The following HDGFL3 variants were observed in gnomAD, a reference collection of about 807,000 sequenced individuals.
HDGFL3 encodes the protein hepatoma-derived growth factor-related protein 3.
HDGFL3 carries 6 observed loss-of-function variants against 27.6 expected under a neutral mutation model. That is an observed-to-expected ratio of 0.22 (90% CI 0.12 to 0.43). The LOEUF (loss-of-function observed/expected upper bound fraction) is 0.43, where lower values mean the gene tolerates loss of function less well. HDGFL3 is among the 20% of genes least tolerant of loss of function. The probability of loss-of-function intolerance (pLI) is 1.00; values close to 1 mark genes in which losing one functional copy is unlikely to be tolerated. For missense variants in HDGFL3, 207 were observed against 250.1 expected (o/e 0.83, Z 1.16); for synonymous variants, 88 against 88.9 (o/e 0.99, Z 0.05).
downstream of HDGFL3, among the ~76,000 whole-genome samples, chr15:83,123,855 C>A (rs958329812): frequency 6.6e-6 from 1 of 152,340 alleles, no homozygotes; most frequent in African/African-American, 2.4e-5. Flanking sequence ...TGTGAAAACA[C>A]AGTGACAGCC....
intron 1 of HDGFL3, among the ~76,000 whole-genome samples, chr15:83,194,985 T>C (rs2151421189): frequency 6.6e-6 from 1 of 152,328 alleles, no homozygotes; most frequent in Non-Finnish European, 1.5e-5. Context: ...TCACTCAGGA[T>C]GCAGTGTTAT....
rs1267088572 is a variant in HDGFL3 at position 83,157,938 on chromosome 15, C to G, written c.265G>C (p.Glu89Gln). ...KGFNEGLWEI[E>Q]NNPGVKFTGY... ...GTAAACTTTACTCCTGGGTTATTTT[C>G]TATTTCCCACAATCCTTCGTTAAAT... Residue 89 changes from glutamate (E) to glutamine (Q), a missense_variant, in exon 3 of 6, where the codon GAA becomes CAA. Glu to Gln is a conservative substitution (Grantham distance 29). Coordinates refer to ENST00000299633, the MANE Select transcript of HDGFL3 (RefSeq NM_016073.4). 6.2e-7 allele frequency: 1 copy of G among 1,612,618 alleles called. No homozygotes were observed. Among genetic ancestry groups the G allele is most frequent in the Non-Finnish European group, 8.5e-7 (1 of 1,179,360 alleles).
At chr15:83,199,390 A>G (rs2037611210) in intron 1 of HDGFL3, among the ~76,000 whole-genome samples, 1 of 152,202 alleles carries the variant, frequency 6.6e-6, no homozygotes, top group Admixed American at 6.5e-5. Context: ...TACATCATAA[A>G]AAATCCTTAA....
At chr15:83,168,159 G>A (rs2037196493) in intron 1 of HDGFL3, among the ~76,000 whole-genome samples, 1 of 152,212 alleles carries the variant, frequency 6.6e-6, no homozygotes, top group Non-Finnish European at 1.5e-5. Context: ...AGCAAAAGCA[G>A]TGTTAAGAGG....
intron 5 of HDGFL3, among the ~76,000 whole-genome samples, chr15:83,145,902 T>C (rs1341433693): frequency 1.1e-4 from 2 of 17,858 alleles, no homozygotes; most frequent in Admixed American, 6.5e-4. Flanking sequence ...TCTTCCTTTT[T>C]TTTTTTTTTT....
intron 1 of HDGFL3, among the ~76,000 whole-genome samples, chr15:83,202,280 C>G (rs2098085200): frequency 6.6e-6 from 1 of 152,112 alleles, no homozygotes; most frequent in Non-Finnish European, 1.5e-5. Context: ...AGTAAGAGCT[C>G]AGCTCTTGAA....
chr15:83,123,642 G>A (rs1317704694), downstream of HDGFL3, among the ~76,000 whole-genome samples: 1 of 152,050 alleles, frequency 6.6e-6, no homozygotes, highest in African/African-American at 2.4e-5. Context: ...TAAACATTTA[G>A]ACACCTTCTA....
At position 83,122,132 on chromosome 15, in the gene HDGFL3, A is replaced by G. The variant is rs2035314459; in HGVS notation, c.394-6391T>C. ...GCTTACTAAAAACCTGTTTTGCAGAATAATTCCTTTTTCTCACCTTTAAAA... is the reference window on the plus strand; with the variant it reads ...GCTTACTAAAAACCTGTTTTGCAGAGTAATTCCTTTTTCTCACCTTTAAAA... On this transcript the variant is annotated intron_variant, in intron 3 of 3. Coordinates refer to the HDGFL3 transcript ENST00000568294. 2.6e-6 allele frequency: 2 copies of G among 780,566 alleles called. No homozygotes were observed. The highest frequency in any genetic ancestry group is 4.1e-6 in the Non-Finnish European group (2 of 481,936). The allele number at this position is 780,566 out of a possible 1,614,324, so 48.4% of individuals were successfully genotyped here. A position where few individuals can be genotyped will look rare whatever the true frequency, so the allele number is the denominator to read the frequency against.
chr15:83,140,098 G>T (rs2036738060), intron 5 of HDGFL3, among the ~76,000 whole-genome samples: 2 of 152,040 alleles, frequency 1.3e-5, no homozygotes, highest in African/African-American at 4.8e-5. Flanking sequence ...CTAAATGAAT[G>T]AACATGTTTG....
intron 1 of HDGFL3, among the ~76,000 whole-genome samples, chr15:83,176,471 T>A (rs766892143): frequency 5.3e-5 from 8 of 152,180 alleles, no homozygotes; most frequent in Non-Finnish European, 7.3e-5. Flanking sequence ...ATATACAGAT[T>A]AGAAATTTAG....
intron 3 of HDGFL3, among the ~76,000 whole-genome samples, chr15:83,116,207 C>A (rs8037783): frequency 6.6e-6 from 1 of 152,028 alleles, no homozygotes; most frequent in Non-Finnish European, 1.5e-5. Flanking sequence ...TCCCCTTTAT[C>A]TGTATTTAAT....
intron 1 of HDGFL3, among the ~76,000 whole-genome samples, chr15:83,198,967 G>A (rs1431338582): frequency 6.6e-6 from 1 of 152,174 alleles, no homozygotes; most frequent in Non-Finnish European, 1.5e-5. Context: ...GCATGTGCAC[G>A]TACTGGGATG....
intron 1 of HDGFL3, among the ~76,000 whole-genome samples, chr15:83,178,056 C>T (rs1334530269): frequency 1.3e-5 from 2 of 152,072 alleles, no homozygotes; most frequent in Non-Finnish European, 2.9e-5. Context: ...AGGACAAAAC[C>T]TGGATGAATA....
At chr15:83,165,070 G>C (rs759965567) in intron 1 of HDGFL3, among the ~76,000 whole-genome samples, 10 of 152,178 alleles carry the variant, frequency 6.6e-5, no homozygotes, top group Non-Finnish European at 1.3e-4. Flanking sequence ...ACGGCATCAG[G>C]CAAGTTCCCA....
chr15:83,124,685 C>G, downstream of HDGFL3: 1 of 1,613,936 alleles, frequency 6.2e-7, no homozygotes, highest in Non-Finnish European at 8.5e-7. Context: ...ATTCAAGAAG[C>G]CCAAGCGAAA....
At position 83,138,076 on chromosome 15, in the gene HDGFL3, T is replaced by G. The variant is rs2036689336; in HGVS notation, c.*1194A>C. ...CTATTGTCAGCTTGCTGTGAACAAT[T>G]TTTGCTTTAATATATGAATTACATT... On this transcript the variant is annotated 3_prime_UTR_variant, in exon 6 of 6. Transcript: ENST00000299633. 6.6e-6 allele frequency: 1 copy of G among 152,516 alleles called. No homozygotes were observed. Among genetic ancestry groups the G allele is most frequent in the South Asian group, 2.1e-4 (1 of 4,832 alleles). The allele number at this position is 152,516 out of a possible 1,614,324, so 9.4% of individuals were successfully genotyped here. A position where few individuals can be genotyped will look rare whatever the true frequency, so the allele number is the denominator to read the frequency against.
At chr15:83,151,806 A>AC (rs1301249900) in intron 4 of HDGFL3, among the ~76,000 whole-genome samples, 2 of 152,224 alleles carry the variant, frequency 1.3e-5, no homozygotes, top group Non-Finnish European at 2.9e-5. Flanking sequence ...GAATATATAG[A>AC]TATTCATGCT....
chr15:83,180,363 G>C (rs1244838298), intron 1 of HDGFL3, among the ~76,000 whole-genome samples: 1 of 152,048 alleles, frequency 6.6e-6, no homozygotes, highest in Non-Finnish European at 1.5e-5. Flanking sequence ...CCAATGAGAA[G>C]AATTTTTTGG....
At chr15:83,148,269 T>A (rs1011355263) in intron 5 of HDGFL3, among the ~76,000 whole-genome samples, 1 of 152,162 alleles carries the variant, frequency 6.6e-6, no homozygotes, top group Non-Finnish European at 1.5e-5. Context: ...AATAAACTCT[T>A]GTACACGTAT....
Sources: gnomAD v4.1 joint callset for allele counts (sites outside exome capture counted in the v4.1 genomes callset) on GRCh38, gnomAD v4.1.1 for gene constraint, MANE v1.5 for transcripts, NCBI Gene and HGNC (gene_info 2026-07-23, HGNC 2026-07-21) for gene names.